HHLA1: variants seen among roughly 807,000 people sequenced by gnomAD.
The protein encoded by HHLA1 is HERV-H LTR-associating protein 1.
In HHLA1, 72 loss-of-function variants were observed where a neutral mutation model predicts 69.9. That is an observed-to-expected ratio of 1.03 (90% CI 0.85 to 1.25). The LOEUF (loss-of-function observed/expected upper bound fraction) is 1.25, where lower values mean the gene tolerates loss of function less well. Among genes scored for constraint, HHLA1 ranks in the 50% most tolerant of loss-of-function variants. The pLI is 0.00. For missense variants in HHLA1, 685 were observed against 642.2 expected, an observed-to-expected ratio of 1.07 and a Z score of -0.72; for synonymous variants, 252 against 233.2, an observed-to-expected ratio of 1.08 and a Z score of -0.73.
Position 132,102,394 on chromosome 8 carries a change from G to A in HHLA1, c.139+1714C>T, listed in dbSNP as rs115521108. ...AAAGCTTCTGGGGTTAGAGGTAGGT[G>A]GGGACTCTAACTCCCCTTTGCCATA... On this transcript the variant is annotated intron_variant, in intron 3 of 16. Transcript: ENST00000414222. Among the ~76,000 whole-genome samples the A allele has an allele frequency of 2.9e-3, 439 of 152,302 alleles. 4 individuals carry two copies. Among genetic ancestry groups the A allele is most frequent in the African/African-American group, 9.9e-3 (412 of 41,562 alleles).
intron 10 of HHLA1, among the ~76,000 whole-genome samples, chr8:132,084,556 G>A (rs1400922672): frequency 1.3e-5 from 2 of 152,136 alleles, no homozygotes; most frequent in Non-Finnish European, 2.9e-5. Flanking sequence ...GCCATTTTCT[G>A]GCTATTTGGA....
chr8:132,081,192 C>T (rs1401644847), intron 10 of HHLA1: 2 of 152,034 alleles, frequency 1.3e-5, no homozygotes, highest in Non-Finnish European at 2.9e-5. Context: ...AAGAGCAGGG[C>T]ATGTATGAGT....
At chr8:132,081,894 A>G (rs1056843180) in intron 10 of HHLA1, among the ~76,000 whole-genome samples, 2 of 152,142 alleles carry the variant, frequency 1.3e-5, no homozygotes, top group Admixed American at 1.3e-4. Context: ...AGGAAATGAG[A>G]GGTTCTAAGA....
At chr8:132,091,404 C>G (rs922038644) in intron 7 of HHLA1, among the ~76,000 whole-genome samples, 1 of 152,166 alleles carries the variant, frequency 6.6e-6, no homozygotes, top group African/African-American at 2.4e-5. Context: ...TTCCAGAGTA[C>G]GTGGCAGAGC....
chr8:132,094,140 T>C (rs1290760551), intron 7 of HHLA1, among the ~76,000 whole-genome samples: 1 of 152,156 alleles, frequency 6.6e-6, no homozygotes, highest in East Asian at 1.9e-4. Context: ...TTGCATTCAC[T>C]GGTTACATAG....
intron 8 of HHLA1, 118 bp downstream of exon 8, chr8:132,089,398 C>T (rs567244665): frequency 1.5e-4 from 104 of 691,100 alleles, no homozygotes; most frequent in Non-Finnish European, 1.8e-4. Flanking sequence ...ATTACATGAA[C>T]GTTTCTGGCA....
At chr8:132,109,782 A>G (rs554770615) in intron 1 of HHLA1, among the ~76,000 whole-genome samples, 1 of 152,254 alleles carries the variant, frequency 6.6e-6, no homozygotes, top group South Asian at 2.1e-4. Context: ...TCAAAATACC[A>G]TCTTGGAGTG....
chr8:132,090,005 TG>T (rs1823923083), intron 7 of HHLA1, among the ~76,000 whole-genome samples: 2 of 152,158 alleles, frequency 1.3e-5, no homozygotes, highest in Admixed American at 6.5e-5. Context: ...TTTACAGACT[TG>T]GGGGTTGGAA....
At chr8:132,072,420 A>T (rs561110692) in intron 14 of HHLA1, among the ~76,000 whole-genome samples, 2 of 152,000 alleles carry the variant, frequency 1.3e-5, no homozygotes, top group Non-Finnish European at 2.9e-5. Flanking sequence ...ACAATAAATA[A>T]TAGCAATTAT....
intron 16 of HHLA1, among the ~76,000 whole-genome samples, chr8:132,064,485 T>A (rs1823403462): frequency 6.6e-6 from 1 of 152,194 alleles, no homozygotes; most frequent in African/African-American, 2.4e-5. Context: ...TAAAGGGATT[T>A]CTATCTTTGA....
chr8:132,105,195 C>T lies in HHLA1; in HGVS notation c.71G>A (p.Trp24Ter). 6.4e-7 allele frequency: 1 copy of T among 1,551,796 alleles called. No individual in the cohort carries two copies. Among genetic ancestry groups the T allele is most frequent in the South Asian group, 1.2e-5 (1 of 84,054 alleles). ...ACTCCAGCTAGACCCACCTGTGTTCCAAAGGGACAAGACACATGCCAGGCC... is the reference window on the plus strand; with the variant it reads ...ACTCCAGCTAGACCCACCTGTGTTCTAAAGGGACAAGACACATGCCAGGCC... ...CMGLACVLSL[W>*]NTVSGIKGEA... Residue 24 changes from tryptophan to a stop codon, truncating the protein, a stop_gained, in exon 2 of 17, where the codon TGG becomes TAG. Coordinates refer to ENST00000414222, the MANE Select transcript of HHLA1 (RefSeq NM_001145095.3). LOFTEE classifies it high-confidence loss of function.
At chr8:132,102,064 T>A (rs965282406) in intron 3 of HHLA1, among the ~76,000 whole-genome samples, 2 of 152,208 alleles carry the variant, frequency 1.3e-5, no homozygotes, top group East Asian at 3.8e-4. Context: ...TTTGACTATT[T>A]TAGATACCTC....
At chr8:132,065,454 T>C (rs1823417890) in intron 16 of HHLA1, among the ~76,000 whole-genome samples, 1 of 152,186 alleles carries the variant, frequency 6.6e-6, no homozygotes, top group African/African-American at 2.4e-5. Flanking sequence ...GCTAGTTTTT[T>C]TGTGTTTTTA....
intron 5 of HHLA1, among the ~76,000 whole-genome samples, chr8:132,096,765 A>G (rs989685362): frequency 2.6e-5 from 4 of 152,148 alleles, no homozygotes; most frequent in African/African-American, 9.7e-5. Context: ...AAGAAAGGGG[A>G]AAGGTGGGTA....
chr8:132,074,407 A>G (rs146447619), intron 14 of HHLA1, among the ~76,000 whole-genome samples: 1 of 151,810 alleles, frequency 6.6e-6, no homozygotes, highest in Non-Finnish European at 1.5e-5. Flanking sequence ...TTGAAATTAG[A>G]TCTGGTGTCA....
Position 132,087,837 on chromosome 8 carries a change from T to A in HHLA1, c.589+8A>T, listed in dbSNP as rs1233414413. 3.2e-6 allele frequency: 5 copies of A among 1,550,848 alleles called. No homozygotes were observed. In the South Asian group the frequency reaches 4.8e-5, roughly 15 times the overall value. On this transcript the variant is annotated splice_region_variant and intron_variant, in intron 9 of 16. Coordinates refer to ENST00000414222, the MANE Select transcript of HHLA1 (RefSeq NM_001145095.3). Reference sequence around the variant, plus strand: ...AGAGAGCTTGTCAAAGAATGTCTAGTGGTTTACCTGACTTTCCTGTCATCA... The same window carrying A: ...AGAGAGCTTGTCAAAGAATGTCTAGAGGTTTACCTGACTTTCCTGTCATCA...
At chr8:132,070,441 G>C in intron 15 of HHLA1, 1 of 696,502 alleles carries the variant, frequency 1.4e-6, no homozygotes, top group Middle Eastern at 2.3e-4. Flanking sequence ...GCCAGGCTGA[G>C]GGCATTTGGA....
intron 10 of HHLA1, 69 bp downstream of exon 10, chr8:132,087,584 T>C: frequency 1.1e-6 from 1 of 937,528 alleles, no homozygotes. Context: ...CAGCTTTCAG[T>C]CATTAGTGTG....
At chr8:132,101,150 G>A in intron 3 of HHLA1, 3 of 1,521,142 alleles carry the variant, frequency 2.0e-6, no homozygotes, top group Non-Finnish European at 2.6e-6. Flanking sequence ...TTTTCATTTT[G>A]CAAATAGAAA....
Sources: allele counts gnomAD v4.1 joint callset (sites outside exome capture counted in the v4.1 genomes callset), GRCh38; gene constraint gnomAD v4.1.1; transcripts MANE v1.5; gene names NCBI Gene and HGNC (gene_info 2026-07-23, HGNC 2026-07-21).